Variants in COL25A1 observed in about 807,000 individuals in gnomAD.
The protein encoded by COL25A1 is collagen type XXV alpha 1 chain.
In COL25A1, 103 loss-of-function variants were observed where a neutral mutation model predicts 128.4. The ratio of observed to expected loss-of-function variants is 0.80; its 90% CI spans 0.68 to 0.94. The LOEUF is 0.94. COL25A1 is among the 40% of genes least tolerant of loss of function. The pLI is 0.00. For synonymous variants in COL25A1, 279 were observed against 277.2 expected (o/e 1.01, Z -0.06); for missense variants, 745 against 840.0 (o/e 0.89, Z 1.40).
intron 11 of COL25A1, among the ~76,000 whole-genome samples, chr4:108,933,411 A>G (rs998273434): frequency 1.3e-5 from 2 of 152,188 alleles, no homozygotes; most frequent in Admixed American, 1.3e-4. Flanking sequence ...GAGAAGGAGA[A>G]TGTTATGAAA....
At chr4:108,898,511 C>A (rs1288359861) in intron 15 of COL25A1, among the ~76,000 whole-genome samples, 1 of 152,080 alleles carries the variant, frequency 6.6e-6, no homozygotes. Context: ...GCAATCAGAG[C>A]CTAAAAATAA....
At chr4:109,010,695 GTTAC>G (rs1031262749) in intron 5 of COL25A1, among the ~76,000 whole-genome samples, 1 of 152,138 alleles carries the variant, frequency 6.6e-6, no homozygotes, top group African/African-American at 2.4e-5. Flanking sequence ...TGATGAAGGG[GTTAC>G]TTAAAGAAAG....
intron 3 of COL25A1, among the ~76,000 whole-genome samples, chr4:109,196,222 T>G (rs1397266684): frequency 6.6e-6 from 1 of 152,170 alleles, no homozygotes; most frequent in African/African-American, 2.4e-5. Flanking sequence ...GGAAATGCAA[T>G]CAGACAGCCT....
intron 3 of COL25A1, among the ~76,000 whole-genome samples, chr4:109,051,218 C>G (rs556749488): frequency 1.6e-4 from 25 of 152,234 alleles, no homozygotes; most frequent in African/African-American, 5.8e-4. Context: ...CAGCACAGGC[C>G]TTAGTATCCA....
intron 3 of COL25A1, among the ~76,000 whole-genome samples, chr4:109,102,972 T>C (rs976738361): frequency 4.6e-5 from 7 of 152,188 alleles, no homozygotes; most frequent in Non-Finnish European, 8.8e-5. Flanking sequence ...ACTTGCTGTG[T>C]ATTTAAGCAG....
intron 3 of COL25A1, among the ~76,000 whole-genome samples, chr4:109,117,041 G>A (rs191201360): frequency 8.8e-4 from 133 of 151,524 alleles, no homozygotes; most frequent in Non-Finnish European, 7.5e-4. Flanking sequence ...TGTAACATGC[G>A]TAATAGGAAT....
At chr4:109,280,087 A>G (rs534558354) in intron 3 of COL25A1, among the ~76,000 whole-genome samples, 1 of 152,338 alleles carries the variant, frequency 6.6e-6, no homozygotes, top group South Asian at 2.1e-4. Context: ...TGGGTCTGCT[A>G]TAGAAACAAA....
intron 3 of COL25A1, among the ~76,000 whole-genome samples, chr4:109,230,575 A>G (rs1779099900): frequency 6.6e-6 from 1 of 152,228 alleles, no homozygotes; most frequent in African/African-American, 2.4e-5. Context: ...AAAACTTAAC[A>G]ATGATGTTAA....
At chr4:109,133,440 C>T (rs1769410141) in intron 3 of COL25A1, among the ~76,000 whole-genome samples, 1 of 151,698 alleles carries the variant, frequency 6.6e-6, no homozygotes, top group Non-Finnish European at 1.5e-5. Context: ...AAGTACCTGC[C>T]CATTAAGACA....
At chr4:108,878,161 T>C (rs1739684887) in intron 19 of COL25A1, among the ~76,000 whole-genome samples, 1 of 152,160 alleles carries the variant, frequency 6.6e-6, no homozygotes, top group South Asian at 2.1e-4. Context: ...TAGAAAAATC[T>C]CTGGTTTTTT....
chr4:109,259,273 A>T (rs528038016), intron 3 of COL25A1, among the ~76,000 whole-genome samples: 4 of 152,230 alleles, frequency 2.6e-5, no homozygotes, highest in Admixed American at 2.6e-4. Flanking sequence ...AAAAAAATCA[A>T]TGAAGGTTTT....
chr4:109,211,290 C>CTATA (rs753994624), intron 3 of COL25A1, among the ~76,000 whole-genome samples: 5,823 of 100,064 alleles, frequency 0.058, 464 homozygotes, highest in Non-Finnish European at 0.094. Flanking sequence ...ATATATGAAA[C>CTATA]TATATATATA....
intron 32 of COL25A1, among the ~76,000 whole-genome samples, chr4:108,828,344 G>C (rs571267047): frequency 6.6e-6 from 1 of 151,862 alleles, no homozygotes; most frequent in African/African-American, 2.4e-5. Context: ...CATGTTGGCC[G>C]GGCTGGTCTC....
chr4:108,873,513 G>C lies in COL25A1; in HGVS notation c.1021-4363C>G, dbSNP rs558510097. Among the ~76,000 whole-genome samples the C allele has an allele frequency of 3.4e-5, 5 of 148,974 alleles. No individual in the cohort carries two copies. In the South Asian group the frequency reaches 1.1e-3, roughly 32 times the overall value. On this transcript the variant is annotated intron_variant, in intron 19 of 37. Coordinates refer to ENST00000399132, the MANE Select transcript of COL25A1 (RefSeq NM_198721.4). ...TCCCTTATCTTACAGGCTTACAAATGTTAGCTGTCTAGTAGTAGTAGTAGT... is the reference window on the plus strand; with the variant it reads ...TCCCTTATCTTACAGGCTTACAAATCTTAGCTGTCTAGTAGTAGTAGTAGT...
intron 3 of COL25A1, among the ~76,000 whole-genome samples, chr4:109,269,990 G>A (rs1782083185): frequency 6.6e-6 from 1 of 152,084 alleles, no homozygotes; most frequent in Non-Finnish European, 1.5e-5. Context: ...CTCAATAGAT[G>A]CAGAAAAGGC....
At chr4:108,846,307 C>A in intron 27 of COL25A1, 88 bp from the exon 28 acceptor site, 1 of 846,422 alleles carries the variant, frequency 1.2e-6, no homozygotes, top group Non-Finnish European at 2.0e-6. Flanking sequence ...CGATCAATTT[C>A]GTTAATAGGT....
intron 3 of COL25A1, among the ~76,000 whole-genome samples, chr4:109,213,060 T>C (rs2126199444): frequency 6.6e-6 from 1 of 152,266 alleles, no homozygotes; most frequent in East Asian, 1.9e-4. Flanking sequence ...TGACTTCAAG[T>C]GTACCACAAG....
chr4:109,265,990 C>A (rs1274052825), intron 3 of COL25A1, among the ~76,000 whole-genome samples: 1 of 151,754 alleles, frequency 6.6e-6, no homozygotes, highest in Admixed American at 6.6e-5. Context: ...TTCCTGCTAC[C>A]AATACTACCT....
At chr4:108,989,964 A>G (rs1754012052) in intron 6 of COL25A1, among the ~76,000 whole-genome samples, 1 of 151,938 alleles carries the variant, frequency 6.6e-6, no homozygotes, top group South Asian at 2.1e-4. Flanking sequence ...CGTAATGCCA[A>G]CACTTTGGGA....
Sources: gnomAD v4.1 joint callset for allele counts (sites outside exome capture counted in the v4.1 genomes callset) on GRCh38, gnomAD v4.1.1 for gene constraint, MANE v1.5 for transcripts, NCBI Gene and HGNC (gene_info 2026-07-23, HGNC 2026-07-21) for gene names.